The following DIAPH1 variants were observed in gnomAD, a reference collection of about 807,000 sequenced individuals.
The protein encoded by DIAPH1 is diaphanous related formin 1.
In DIAPH1, 46 loss-of-function variants were observed where a neutral mutation model predicts 140.7. That is an observed-to-expected ratio of 0.33 (90% CI 0.26 to 0.42). The LOEUF (loss-of-function observed/expected upper bound fraction) is 0.42. DIAPH1 is among the 10% of genes least tolerant of loss of function. The pLI, the probability that DIAPH1 is intolerant of heterozygous loss-of-function variation, is 1.00. For synonymous variants in DIAPH1, 565 were observed against 551.6 expected, an observed-to-expected ratio of 1.02 and a Z score of -0.34; for missense variants, 1,310 against 1,558.7, an observed-to-expected ratio of 0.84 and a Z score of 2.69.
chr5:141,580,580 AT>A (rs1554209271), intron 8 of DIAPH1, among the ~76,000 whole-genome samples, 163 bp downstream of exon 8: 1 of 152,186 alleles, frequency 6.6e-6, no homozygotes, highest in Non-Finnish European at 1.5e-5. Flanking sequence ...TCACTTAGGA[AT>A]TGTTCTTAAA....
chr5:141,605,401 CA>C (rs2099900770), intron 1 of DIAPH1, among the ~76,000 whole-genome samples: 1 of 151,878 alleles, frequency 6.6e-6, no homozygotes, highest in South Asian at 2.1e-4. Context: ...CGTATTGTTT[CA>C]AAAATATATA....
intron 12 of DIAPH1, among the ~76,000 whole-genome samples, chr5:141,577,089 G>A (rs1197894610): frequency 1.3e-5 from 2 of 152,074 alleles, no homozygotes; most frequent in Non-Finnish European, 2.9e-5. Context: ...CTTGCCATCC[G>A]CTCCTAGTGC....
intron 1 of DIAPH1, among the ~76,000 whole-genome samples, chr5:141,615,884 C>T (rs1325416022): frequency 5.3e-5 from 8 of 152,228 alleles, no homozygotes; most frequent in Non-Finnish European, 1.5e-5. Flanking sequence ...AGCCTCCTAA[C>T]ATCCCGGTTC....
chr5:141,521,109 T>A (rs906295469), intron 27 of DIAPH1, among the ~76,000 whole-genome samples: 2 of 152,124 alleles, frequency 1.3e-5, no homozygotes, highest in Non-Finnish European at 2.9e-5. Context: ...ACCGTGTTAG[T>A]CACCTTATCT....
At position 141,574,139 on chromosome 5, in the gene DIAPH1, T is replaced by C. The variant is rs751511483; in HGVS notation, c.1711A>G (p.Thr571Ala). The C allele has an allele frequency of 1.2e-6, 2 of 1,614,024 alleles. No homozygotes were observed. The highest frequency in any genetic ancestry group is 1.7e-6 in the Non-Finnish European group (2 of 1,180,002). The change falls in exon 16 of 28, where the codon ACT becomes GCT. Residue 571 changes from threonine (T) to alanine (A), a missense_variant. Physicochemically the swap from Thr to Ala is moderately conservative, Grantham distance 58 (BLOSUM62 0). Transcript: ENST00000389054. ...CGACTAGGAACAGAAGGAGGTACAG[T>C]AATAGCTGCCGCAGAGAGGGAAGCC... ...EMASLSAAAI[T>A]VPPSVPSRAP...
chr5:141,557,778 T>TG (rs2099892866), intron 18 of DIAPH1: 2 of 152,326 alleles, frequency 1.3e-5, no homozygotes, highest in African/African-American at 4.8e-5. Flanking sequence ...GGCAAGGACT[T>TG]GCGGCATCGA....
intron 1 of DIAPH1, among the ~76,000 whole-genome samples, chr5:141,589,659 C>T (rs1277405146): frequency 2.6e-5 from 4 of 151,030 alleles, no homozygotes; most frequent in Non-Finnish European, 4.4e-5. Context: ...GGGGTGGGGT[C>T]GTGATTGGGG....
chr5:141,577,905 C>T, intron 11 of DIAPH1: 2 of 505,040 alleles, frequency 4.0e-6, no homozygotes, highest in Non-Finnish European at 7.2e-6. Context: ...AACTAAATTA[C>T]TCCCTCTGTC....
chr5:141,582,021 C>T (rs2099896823), intron 7 of DIAPH1: 1 of 281,544 alleles, frequency 3.6e-6, no homozygotes, highest in South Asian at 4.0e-5. Flanking sequence ...GATCGAGCCA[C>T]AGCACTCCAG....
intron 27 of DIAPH1, among the ~76,000 whole-genome samples, chr5:141,517,782 T>A (rs1397130482): frequency 1.3e-5 from 2 of 152,060 alleles, no homozygotes; most frequent in African/African-American, 4.8e-5. Context: ...GGCTAAGAGA[T>A]GGTCAAGTTC....
At position 141,573,711 on chromosome 5, in the gene DIAPH1, C is replaced by T. The variant is rs1356765386; in HGVS notation, c.2139G>A (p.Met713Ile). 8.9e-6 allele frequency: 14 copies of T among 1,564,750 alleles called. No homozygotes were observed. The highest frequency in any genetic ancestry group is 1.2e-5 in the Non-Finnish European group (14 of 1,153,024). The change falls in exon 16 of 28, where the codon ATG becomes ATA. Residue 713 changes from methionine to isoleucine, a missense_variant. Around this residue, in one of 3 missense-constraint regions of DIAPH1, gnomAD observed 589 missense variants for 549.3 expected, o/e 1.07. Transcript: ENST00000389054. ...PPPPLPGEAG[M>I]PPPPPPLPGG... ...CAGGAAGAGGGGGAGGAGGAGGTGG[C>T]ATTCCTGCTTCTCCAGGCAAGGGAG...
chr5:141,617,101 G>T (rs1469261637), intron 1 of DIAPH1, among the ~76,000 whole-genome samples: 1 of 151,940 alleles, frequency 6.6e-6, no homozygotes, highest in East Asian at 1.9e-4. Flanking sequence ...GGGTGAGGAA[G>T]GTCAAACAGT....
chr5:141,559,010 G>A (rs1205057774), intron 18 of DIAPH1, among the ~76,000 whole-genome samples: 1 of 151,792 alleles, frequency 6.6e-6, no homozygotes, highest in African/African-American at 2.4e-5. Context: ...AGGCATATAT[G>A]AAAGATCAGA....
In DIAPH1 at chr5:141,573,526, G is replaced by A; in HGVS notation, c.2324C>T (p.Pro775Leu). Reference sequence around the variant, plus strand: ...GTTTGGCCTCCGGAGCTGCACCTCTGGCTTATAAAGCTTTTTGGGGGTTAA... The same window carrying A: ...GTTTGGCCTCCGGAGCTGCACCTCTAGCTTATAAAGCTTTTTGGGGGTTAA... ...FGLTPKKLYK[P>L]EVQLRRPNWS... is the part of the protein sequence containing the mutation. Residue 775 changes from proline to leucine, a missense_variant, in exon 16 of 28, where the codon CCA (proline) becomes CTA (leucine). This residue lies in a region of DIAPH1 where 589 missense variants were observed against 549.3 expected (regional missense o/e 1.07). Coordinates refer to ENST00000389054, the MANE Select transcript of DIAPH1 (RefSeq NM_005219.5). 6.2e-7 allele frequency: 1 copy of A among 1,613,694 alleles called. No homozygotes were observed. The highest frequency in any genetic ancestry group is 8.5e-7 in the Non-Finnish European group (1 of 1,179,904).
At chr5:141,538,993 A>T (rs1435234303) in intron 18 of DIAPH1, among the ~76,000 whole-genome samples, 7 of 152,048 alleles carry the variant, frequency 4.6e-5, no homozygotes, top group Non-Finnish European at 8.8e-5. Context: ...ATGAGATGTG[A>T]GCCAGGCGTG....
intron 6 of DIAPH1, 55 bp from the exon 7 acceptor site, chr5:141,582,430 T>G: frequency 6.8e-6 from 9 of 1,324,578 alleles, no homozygotes; most frequent in Non-Finnish European, 9.8e-6. Context: ...CCCTTTCCCA[T>G]TTTTAATCTT....
In DIAPH1 at chr5:141,543,878, G is replaced by C. The variant is rs2099890390; in HGVS notation, c.2483-9445C>G. On this transcript the variant is annotated intron_variant, in intron 18 of 27. Transcript: ENST00000389054. The stretch of plus-strand genomic sequence containing the variant: ...ACAATCAATAGATAAATGTATACAT[G>C]CATATAGACAAGCATGCATCTATAC... Among the ~76,000 whole-genome samples, 2 of 152,126 alleles carry C rather than the reference G, an allele frequency of 1.3e-5. 1 individual carries two copies. Among genetic ancestry groups the C allele is most frequent in the South Asian group, 4.1e-4 (2 of 4,826 alleles).
At chr5:141,520,450 A>G (rs1349096796) in intron 27 of DIAPH1, among the ~76,000 whole-genome samples, 1 of 152,074 alleles carries the variant, frequency 6.6e-6, no homozygotes, top group Non-Finnish European at 1.5e-5. Context: ...CACAGTAATG[A>G]GCTCATACAA....
intron 18 of DIAPH1, among the ~76,000 whole-genome samples, chr5:141,557,032 T>C (rs1392831612): frequency 6.6e-6 from 1 of 151,888 alleles, no homozygotes; most frequent in Non-Finnish European, 1.5e-5. Context: ...ATAAATAAAT[T>C]GCAAAATAAA....
Sources: gnomAD v4.1 joint callset for allele counts (sites outside exome capture counted in the v4.1 genomes callset) on GRCh38, gnomAD v4.1.1 for gene constraint, gnomAD v4.1.1 regional missense constraint, MANE v1.5 for transcripts, NCBI Gene and HGNC (gene_info 2026-07-23, HGNC 2026-07-21) for gene names.